The following SLC35B4 variants were observed in gnomAD, a reference collection of about 807,000 sequenced individuals.
SLC35B4 encodes the protein nucleotide sugar transporter SLC35B4.
In SLC35B4, 28 loss-of-function variants were observed where a neutral mutation model predicts 39.5. The ratio of observed to expected loss-of-function variants is 0.71; its 90% CI spans 0.53 to 0.97. The LOEUF (loss-of-function observed/expected upper bound fraction) is 0.97, where lower values mean the gene tolerates loss of function less well. Among genes scored for constraint, SLC35B4 ranks in the 50% least tolerant of loss-of-function variants. The probability of loss-of-function intolerance (pLI) is 0.00; values close to 1 mark genes in which losing one functional copy is unlikely to be tolerated. For synonymous variants in SLC35B4, 145 were observed against 150.4 expected (o/e 0.96, Z 0.26); for missense variants, 334 against 414.3 (o/e 0.81, Z 1.68).
At chr7:134,306,093 A>G (rs1366128546) in intron 3 of SLC35B4, among the ~76,000 whole-genome samples, 1 of 152,222 alleles carries the variant, frequency 6.6e-6, no homozygotes, top group East Asian at 1.9e-4. Flanking sequence ...TCACCTTATT[A>G]TAATTGCTTT....
At chr7:134,298,000 G>A (rs1307537439) in intron 8 of SLC35B4, among the ~76,000 whole-genome samples, 1 of 152,130 alleles carries the variant, frequency 6.6e-6, no homozygotes, top group Non-Finnish European at 1.5e-5. Context: ...ATCCTCAATG[G>A]CTCAGTTTTT....
At chr7:134,319,013 T>G (rs566251392), upstream of SLC35B4, among the ~76,000 whole-genome samples, 2 of 152,218 alleles carry the variant, frequency 1.3e-5, no homozygotes, top group Non-Finnish European at 2.9e-5. Flanking sequence ...ACCTGTTGAC[T>G]GCACTTGGAG....
intron 9 of SLC35B4, 131 bp from the exon 10 acceptor site, chr7:134,295,210 G>C (rs1014136633): frequency 1.8e-5 from 22 of 1,207,130 alleles, no homozygotes; most frequent in Non-Finnish European, 2.3e-5. Context: ...CGGCAGCTCT[G>C]AGGCTCCTCC....
chr7:134,314,877 C>T (rs1208419112), intron 1 of SLC35B4, among the ~76,000 whole-genome samples: 1 of 151,392 alleles, frequency 6.6e-6, no homozygotes, highest in Non-Finnish European at 1.5e-5. Context: ...AAGTGGCCTT[C>T]CTTTAAAAGT....
At chr7:134,317,080 G>T (rs1804006258), upstream of SLC35B4, 1 of 291,598 alleles carries the variant, frequency 3.4e-6, no homozygotes, top group South Asian at 6.7e-5. Context: ...GAGGACAGGG[G>T]GACGAGGTGC....
chr7:134,318,452 CATATACACAT>C (rs1804043886), upstream of SLC35B4, among the ~76,000 whole-genome samples: 1 of 138,404 alleles, frequency 7.2e-6, no homozygotes, highest in Admixed American at 7.6e-5. Flanking sequence ...CAGTTATATT[CATATACACAT>C]ATATACACAC....
intron 6 of SLC35B4, among the ~76,000 whole-genome samples, chr7:134,300,643 A>G (rs1803560539): frequency 6.6e-6 from 1 of 152,200 alleles, no homozygotes; most frequent in Non-Finnish European, 1.5e-5. Flanking sequence ...GTTATTTCCA[A>G]TTATTTCATT....
upstream of SLC35B4, among the ~76,000 whole-genome samples, chr7:134,319,315 A>G (rs2117334128): frequency 1.3e-5 from 2 of 152,320 alleles, no homozygotes; most frequent in Middle Eastern, 3.4e-3. Flanking sequence ...TGAAAACCAT[A>G]TAACACAGTC....
chr7:134,299,077 A>G (rs550977831), intron 8 of SLC35B4, among the ~76,000 whole-genome samples: 1 of 152,338 alleles, frequency 6.6e-6, no homozygotes, highest in Admixed American at 6.5e-5. Context: ...AAACCTTGTC[A>G]TCATTGAGCT....
In SLC35B4 at chr7:134,292,380, G is replaced by A. The variant is rs1005665737; in HGVS notation, c.*2453C>T. 3.3e-5 allele frequency: 5 copies of A among 152,380 alleles called. No homozygotes were observed. The highest frequency in any genetic ancestry group is 3.3e-4 in the Admixed American group (5 of 15,286). The allele number at this position is 152,380 out of a possible 1,614,324, so 9.4% of individuals were successfully genotyped here. ...TTTGGGGCTTTCTGCTTCTATATGT[G>A]GTCATCTTGTGCGAGTGTTCTAATC... On this transcript the variant is annotated 3_prime_UTR_variant, in exon 10 of 10. Coordinates refer to ENST00000378509, the MANE Select transcript of SLC35B4 (RefSeq NM_032826.5).
rs1331875916 is a variant in SLC35B4 at position 134,310,468 on chromosome 7, A to T, written c.78-989T>A. ...TCGCTGGAAGAAGAACAAAGTGAGC[A>T]GTTATCTTTGCTCTCCTGAAGCTTC... On this transcript the variant is annotated intron_variant, in intron 1 of 9. Transcript: ENST00000378509. Among the ~76,000 whole-genome samples the T allele has an allele frequency of 2.0e-5, 3 of 152,252 alleles. No individual in the cohort carries two copies. In the East Asian group the frequency reaches 5.8e-4, roughly 29 times the overall value.
chr7:134,300,373 A>C, intron 6 of SLC35B4, 112 bp from the exon 7 acceptor site: 1 of 697,934 alleles, frequency 1.4e-6, no homozygotes, highest in Non-Finnish European at 2.4e-6. Flanking sequence ...TAATTGTAGA[A>C]CATGTACAAA....
chr7:134,316,917 C>T lies in SLC35B4; in HGVS notation c.-166G>A. 3.2e-6 allele frequency: 2 copies of T among 628,006 alleles called. No individual in the cohort carries two copies. Among genetic ancestry groups the T allele is most frequent in the Non-Finnish European group, 5.5e-6 (2 of 363,630 alleles). 38.9% of individuals were successfully genotyped at this position (628,006 alleles called of 1,614,324 possible). A position where few individuals can be genotyped will look rare whatever the true frequency, so the allele number is the denominator to read the frequency against. Reference sequence around the variant, plus strand: ...GTCTCCCCTTCTCCCGCGGCCAACACCGACGCTGCCAAGAAGCTGTAGTTC... The same window carrying T: ...GTCTCCCCTTCTCCCGCGGCCAACATCGACGCTGCCAAGAAGCTGTAGTTC... On this transcript the variant is annotated 5_prime_UTR_variant, in exon 1 of 10. In the 5' UTR this introduces an upstream ATG that the reference lacks. Transcript: ENST00000378509.
In SLC35B4 at chr7:134,309,408, A is replaced by G. The variant is rs747376476; in HGVS notation, c.149T>C (p.Phe50Ser). The G allele has an allele frequency of 2.5e-6, 4 of 1,611,564 alleles. No individual in the cohort carries two copies. Among genetic ancestry groups the G allele is most frequent in the Non-Finnish European group, 1.7e-6 (2 of 1,179,514 alleles). The change falls in exon 2 of 10, where the codon TTT (phenylalanine) becomes TCT (serine). Residue 50 changes from phenylalanine (F) to serine (S), a missense_variant. Phe to Ser is a radical substitution (Grantham distance 155). Coordinates refer to ENST00000378509, the MANE Select transcript of SLC35B4 (RefSeq NM_032826.5). Reference protein sequence around the residue: ...FLFIAVEGFLFEADLGRKPPA... With the variant: ...FLFIAVEGFLSEADLGRKPPA... ...TGGCTTCCTTCCCAAATCAGCTTCA[A>G]AGAGGAAGCCTTCCACAGCAATAAA...
At chr7:134,309,342 A>G in intron 2 of SLC35B4, 24 bp downstream of exon 2, 1 of 1,494,202 alleles carries the variant, frequency 6.7e-7, no homozygotes, top group Non-Finnish European at 9.1e-7. Flanking sequence ...TCCAAAAGCT[A>G]AAAGAGACTC....
chr7:134,316,898 CCTT>C lies in SLC35B4; in HGVS notation c.-150_-148del. The C allele has an allele frequency of 1.4e-6, 1 of 711,444 alleles. No individual in the cohort carries two copies. Among genetic ancestry groups the C allele is most frequent in the Non-Finnish European group, 2.3e-6 (1 of 433,510 alleles). The allele number at this position is 711,444 out of a possible 1,614,324, so 44.1% of individuals were successfully genotyped here. On this transcript the variant is annotated 5_prime_UTR_variant, in exon 1 of 10. Coordinates refer to ENST00000378509, the MANE Select transcript of SLC35B4 (RefSeq NM_032826.5). ...CTCACTGGGGGCCGCCGCGGTCTCC[CCTT>C]CTCCCGCGGCCAACACCGACGCTGC... is the stretch of plus-strand genomic sequence containing the variant.
Position 134,309,439 on chromosome 7 carries a change from A to G in SLC35B4, c.118T>C (p.Phe40Leu). The change falls in exon 2 of 10, where the codon TTT becomes CTT. Residue 40 changes from phenylalanine to leucine, a missense_variant. Phe to Leu is a conservative substitution (Grantham distance 22). Transcript: ENST00000378509. ...AAGCCTTCCACAGCAATAAATAAAA[A>G]TTGTGCAAATGTCACAATGTTCCCA... The part of the protein sequence containing the change: ...GCGNIVTFAQ[F>L]LFIAVEGFLF... 6.2e-6 allele frequency: 10 copies of G among 1,611,622 alleles called. No homozygotes were observed. The highest frequency in any genetic ancestry group is 8.5e-6 in the Non-Finnish European group (10 of 1,179,686).
At chr7:134,314,346 A>G (rs1404877924) in intron 1 of SLC35B4, among the ~76,000 whole-genome samples, 1 of 152,182 alleles carries the variant, frequency 6.6e-6, no homozygotes, top group Non-Finnish European at 1.5e-5. Flanking sequence ...CAGTTGGGTC[A>G]GACTCAGGGA....
At position 134,294,954 on chromosome 7, in the gene SLC35B4, A is replaced by G; in HGVS notation, c.875T>C (p.Phe292Ser). ...IFSILYFQNP[F>S]TLWHWLGTLF... ...GGTGCCCAGCCAGTGCCACAGGGTG[A>G]AGGGGTTCTGGAAGTACAAGATGGA... Residue 292 changes from phenylalanine (F) to serine (S), a missense_variant, in exon 10 of 10, where the codon TTC (phenylalanine) becomes TCC (serine). Transcript: ENST00000378509. 1 of 1,614,180 alleles carries G rather than the reference A, an allele frequency of 6.2e-7. No homozygotes were observed. The highest frequency in any genetic ancestry group is 8.5e-7 in the Non-Finnish European group (1 of 1,180,044).
Sources: allele counts gnomAD v4.1 joint callset (sites outside exome capture counted in the v4.1 genomes callset), GRCh38; gene constraint gnomAD v4.1.1; transcripts MANE v1.5; gene names NCBI Gene and HGNC (gene_info 2026-07-23, HGNC 2026-07-21).